Variants in AK8 observed in about 807,000 individuals in gnomAD.
The protein encoded by AK8 is ATP-AMP transphosphorylase 8.
In AK8, 44 loss-of-function variants were observed where a neutral mutation model predicts 54.6. That is an observed-to-expected ratio of 0.81 (90% confidence interval 0.63 to 1.04). AK8 has a LOEUF of 1.04. Among genes scored for constraint, AK8 ranks in the 50% least tolerant of loss-of-function variants. The pLI is 0.00. For synonymous variants in AK8, 239 were observed against 245.6 expected, an observed-to-expected ratio of 0.97 and a Z score of 0.25; for missense variants, 555 against 613.6, an observed-to-expected ratio of 0.90 and a Z score of 1.01.
chr9:132,787,951 T>C (rs1227501158), intron 11 of AK8, among the ~76,000 whole-genome samples: 1 of 151,134 alleles, frequency 6.6e-6, no homozygotes, highest in Non-Finnish European at 1.5e-5. Context: ...CTGATTATAG[T>C]AAAGAAAAGC....
intron 3 of AK8, among the ~76,000 whole-genome samples, chr9:132,865,618 T>C (rs977443990): frequency 1.3e-5 from 2 of 151,482 alleles, no homozygotes; most frequent in Non-Finnish European, 2.9e-5. Flanking sequence ...ATCAAGACCA[T>C]CCTGGCCAAC....
rs866599205 is a variant in AK8, at chr9:132,744,422, A to G, written c.1122-16888T>C. Reference sequence around the variant, plus strand: ...ACAGGAGAATAGACACGTGCCAAAAAAAAAAAAAAAAGGATAGATGCTGTT... The same window carrying G: ...ACAGGAGAATAGACACGTGCCAAAAGAAAAAAAAAAAGGATAGATGCTGTT... On this transcript the variant is annotated intron_variant, in intron 11 of 12. Coordinates refer to ENST00000298545, the MANE Select transcript of AK8 (RefSeq NM_152572.3). Among the ~76,000 whole-genome samples the G allele has an allele frequency of 6.8e-3, 1,035 of 152,038 alleles. 13 individuals carry two copies. Among genetic ancestry groups the G allele is most frequent in the African/African-American group, 0.023 (965 of 41,468 alleles).
intron 10 of AK8, among the ~76,000 whole-genome samples, chr9:132,808,411 G>A (rs1332135409): frequency 6.6e-6 from 1 of 152,178 alleles, no homozygotes; most frequent in African/African-American, 2.4e-5. Flanking sequence ...CCATCACCAA[G>A]AGCCTGGGAT....
At chr9:132,861,783 A>T (rs571730722) in intron 4 of AK8, among the ~76,000 whole-genome samples, 2 of 152,368 alleles carry the variant, frequency 1.3e-5, no homozygotes, top group South Asian at 4.1e-4. Context: ...CTTGACTGGC[A>T]GGCACTGTCT....
intron 11 of AK8, among the ~76,000 whole-genome samples, chr9:132,786,060 A>G (rs539203113): frequency 6.6e-6 from 1 of 152,378 alleles, no homozygotes; most frequent in East Asian, 1.9e-4. Context: ...CTTGAACCAG[A>G]GGCAACGAGC....
rs961806441 is a variant in AK8 at position 132,791,055 on chromosome 9, G to C, written c.1121+1579C>G. Among the ~76,000 whole-genome samples the C allele has an allele frequency of 2.6e-5, 4 of 152,202 alleles. No individual in the cohort carries two copies. Among genetic ancestry groups the C allele is most frequent in the Non-Finnish European group, 5.9e-5 (4 of 68,034 alleles). ...TATCCATGTCAAACTGTAACGGATT[G>C]TATTAGTCCGTTTCACACTGCTATA... On this transcript the variant is annotated intron_variant, in intron 11 of 12. Transcript: ENST00000298545. The surrounding 1 kb of genome is among the most constrained non-coding windows in gnomAD (Gnocchi z 4.0).
chr9:132,786,504 C>A (rs1048023363), intron 11 of AK8, among the ~76,000 whole-genome samples: 1 of 152,126 alleles, frequency 6.6e-6, no homozygotes, highest in Non-Finnish European at 1.5e-5. Context: ...GGCAGCAAGG[C>A]CTTTACCCTC....
At chr9:132,760,277 G>C (rs1331364009) in intron 11 of AK8, among the ~76,000 whole-genome samples, 1 of 151,882 alleles carries the variant, frequency 6.6e-6, no homozygotes, top group African/African-American at 2.4e-5. Flanking sequence ...CTGACTCCTG[G>C]GTTTAAGTGA....
At chr9:132,769,650 C>A (rs1044186922) in intron 11 of AK8, 1 of 152,164 alleles carries the variant, frequency 6.6e-6, no homozygotes, top group African/African-American at 2.4e-5. Flanking sequence ...CCCAGCAAAG[C>A]GTGTGGAAGA....
chr9:132,801,005 A>C (rs984943195), intron 10 of AK8, among the ~76,000 whole-genome samples: 4 of 150,666 alleles, frequency 2.7e-5, no homozygotes, highest in African/African-American at 4.9e-5. Context: ...GATCACTACA[A>C]CCTCTACCTC....
At chr9:132,862,410 C>T (rs1337887042) in intron 4 of AK8, among the ~76,000 whole-genome samples, 1 of 152,006 alleles carries the variant, frequency 6.6e-6, no homozygotes, top group African/African-American at 2.4e-5. Context: ...TCACTGCAAC[C>T]TCAGCCTCCT....
At chr9:132,774,802 C>T (rs1407584518) in intron 11 of AK8, among the ~76,000 whole-genome samples, 2 of 152,196 alleles carry the variant, frequency 1.3e-5, no homozygotes, top group Admixed American at 1.3e-4. Flanking sequence ...TGCTTTGGAG[C>T]TCTGATTTCC....
chr9:132,794,669 C>T (rs1027779536), intron 10 of AK8, among the ~76,000 whole-genome samples: 6 of 152,314 alleles, frequency 3.9e-5, no homozygotes, highest in Middle Eastern at 3.4e-3. Context: ...AGATGTCTGG[C>T]ACATAGTAGG....
At position 132,725,644 on chromosome 9, in the gene AK8, G is replaced by T. The variant is rs754008893; in HGVS notation, c.*44C>A. The T allele has an allele frequency of 8.6e-5, 130 of 1,511,356 alleles. 2 individuals are homozygous for T. The South Asian group carries it at 1.5e-3, about 18-fold the overall frequency. The allele number at this position is 1,511,356 out of a possible 1,614,324, so 93.6% of individuals were successfully genotyped here. ...CCGAGGCTGGGGGGCTGGGGGCAGG[G>T]GATTAACTCTTTCCCTGGGGCAGCG... is the stretch of plus-strand genomic sequence containing the variant. On this transcript the variant is annotated 3_prime_UTR_variant, in exon 13 of 13. Coordinates refer to ENST00000298545, the MANE Select transcript of AK8 (RefSeq NM_152572.3).
chr9:132,830,329 T>G (rs911854539), intron 5 of AK8, among the ~76,000 whole-genome samples: 3 of 152,242 alleles, frequency 2.0e-5, no homozygotes, highest in African/African-American at 7.2e-5. Context: ...TACCTTCTTT[T>G]ACGACTTTTG....
At chr9:132,866,475 T>C (rs1264988459) in intron 3 of AK8, among the ~76,000 whole-genome samples, 2 of 152,240 alleles carry the variant, frequency 1.3e-5, no homozygotes, top group African/African-American at 4.8e-5. Context: ...CAGTTTGCTG[T>C]GCTTTTCTGA....
chr9:132,761,020 C>T (rs1838433350), intron 11 of AK8, among the ~76,000 whole-genome samples: 3 of 152,052 alleles, frequency 2.0e-5, no homozygotes, highest in Admixed American at 6.6e-5. Flanking sequence ...CTTTGGGTTT[C>T]ACATTAAGAC....
chr9:132,763,045 G>A (rs1352766277), intron 11 of AK8, among the ~76,000 whole-genome samples: 2 of 152,150 alleles, frequency 1.3e-5, no homozygotes, highest in African/African-American at 2.4e-5. Context: ...TCACCACTGG[G>A]GTCCTCACAG....
Position 132,861,102 on chromosome 9 carries a change from CAACA to C in AK8, c.333+2559_333+2562del, listed in dbSNP as rs755381315. ...TTCTAGATATTTTTATGAGATTTCA[CAACA>C]AACACTTAAAAACAAACAAAAATCC... On this transcript the variant is annotated intron_variant, in intron 4 of 12. Transcript: ENST00000298545. Among the ~76,000 whole-genome samples, 59 of 152,310 alleles carry C rather than the reference CAACA, an allele frequency of 3.9e-4. 1 individual carries two copies. The Middle Eastern group carries it at 0.01, about 26-fold the overall frequency.
Sources: gnomAD v4.1 joint callset for allele counts (sites outside exome capture counted in the v4.1 genomes callset) on GRCh38, gnomAD v4.1.1 for gene constraint, Gnocchi (gnomAD v3.1) non-coding constraint, MANE v1.5 for transcripts, NCBI Gene and HGNC (gene_info 2026-07-23, HGNC 2026-07-21) for gene names.